Variants in TMEFF2 observed in about 807,000 individuals in gnomAD.
TMEFF2 encodes tomoregulin-2.
In TMEFF2, 28 loss-of-function variants were observed where a neutral mutation model predicts 53.8. The ratio of observed to expected loss-of-function variants is 0.52; its 90% CI spans 0.39 to 0.71. The LOEUF (loss-of-function observed/expected upper bound fraction) is 0.71, where lower values mean the gene tolerates loss of function less well. TMEFF2 is among the 30% of genes least tolerant of loss of function. TMEFF2 has a pLI of 0.00. For synonymous variants in TMEFF2, 162 were observed against 166.3 expected, an observed-to-expected ratio of 0.97 and a Z score of 0.20; for missense variants, 353 against 455.2, an observed-to-expected ratio of 0.78 and a Z score of 2.04.
At chr2:191,999,009 T>G in intron 6 of TMEFF2, 51 bp downstream of exon 6, 1 of 1,544,478 alleles carries the variant, frequency 6.5e-7, no homozygotes, top group Non-Finnish European at 8.8e-7. Flanking sequence ...TTTTCATTTT[T>G]GCACAAAGAC....
chr2:191,954,547 G>C (rs958551375), intron 8 of TMEFF2, among the ~76,000 whole-genome samples: 2 of 152,054 alleles, frequency 1.3e-5, no homozygotes, highest in Non-Finnish European at 2.9e-5. Flanking sequence ...ATGTGTTTCT[G>C]ATGACATGGG....
chr2:192,071,703 T>C (rs1235517795), intron 4 of TMEFF2, among the ~76,000 whole-genome samples: 2 of 151,930 alleles, frequency 1.3e-5, no homozygotes, highest in African/African-American at 4.8e-5. Context: ...ATCTCTGTGC[T>C]ACTTATACTA....
intron 5 of TMEFF2, among the ~76,000 whole-genome samples, chr2:192,008,775 C>T (rs1002780440): frequency 1.3e-5 from 2 of 152,196 alleles, no homozygotes; most frequent in South Asian, 2.1e-4. Context: ...CATTCCCAAG[C>T]GCCAGGATTC....
chr2:192,094,590 C>T (rs13008804), intron 4 of TMEFF2, among the ~76,000 whole-genome samples: 71,562 of 151,744 alleles, frequency 0.47, 16,931 homozygotes, highest in African/African-American at 0.51. Flanking sequence ...AGGATGCCCT[C>T]GGAGAGAAAA....
chr2:192,040,783 G>A (rs556318668), intron 5 of TMEFF2, among the ~76,000 whole-genome samples: 9 of 152,262 alleles, frequency 5.9e-5, no homozygotes, highest in South Asian at 4.2e-4. Flanking sequence ...TAGATACATA[G>A]ATCACCGGAA....
At chr2:192,008,077 C>G (rs928017420) in intron 5 of TMEFF2, among the ~76,000 whole-genome samples, 21 of 152,126 alleles carry the variant, frequency 1.4e-4, no homozygotes, top group Non-Finnish European at 3.1e-4. Context: ...GAGTTTTCTG[C>G]CCTCACTATT....
chr2:191,964,409 T>C (rs1297128382), intron 7 of TMEFF2, among the ~76,000 whole-genome samples: 2 of 107,958 alleles, frequency 1.9e-5, no homozygotes, highest in Admixed American at 1.8e-4. Context: ...TCTTTCTTTC[T>C]TTCTTTCTTT....
intron 5 of TMEFF2, chr2:192,031,262 T>C (rs2105872707): frequency 6.6e-6 from 1 of 152,334 alleles, no homozygotes; most frequent in South Asian, 2.1e-4. Flanking sequence ...TGCTTACTTA[T>C]TTATCATGTT....
chr2:191,975,140 T>A (rs1397006788), intron 7 of TMEFF2, among the ~76,000 whole-genome samples: 1 of 150,966 alleles, frequency 6.6e-6, no homozygotes, highest in African/African-American at 2.4e-5. Flanking sequence ...ATTAAAAAAA[T>A]ATATAGGAAA....
chr2:191,954,216 C>T (rs567918920), intron 8 of TMEFF2, among the ~76,000 whole-genome samples: 12 of 152,208 alleles, frequency 7.9e-5, no homozygotes, highest in African/African-American at 2.9e-4. Flanking sequence ...GATTGATGGG[C>T]ATTTATTTTC....
At position 191,949,791 on chromosome 2, in the gene TMEFF2, G is replaced by A. The variant is rs371787297; in HGVS notation, c.*520C>T. On this transcript the variant is annotated 3_prime_UTR_variant, in exon 10 of 10. Transcript: ENST00000272771. ...ATGAAATAGAGATGATTCAAAGATCGGAAATATTTTATCCTCACTCGATAT... is the reference window on the plus strand; with the variant it reads ...ATGAAATAGAGATGATTCAAAGATCAGAAATATTTTATCCTCACTCGATAT... 1.3e-4 allele frequency: 131 copies of A among 985,056 alleles called. No homozygotes were observed. The African/African-American group carries it at 1.7e-3, about 13-fold the overall frequency. 61.0% of individuals were successfully genotyped at this position (985,056 alleles called of 1,614,324 possible).
chr2:192,131,558 C>T (rs1231241539), intron 4 of TMEFF2, among the ~76,000 whole-genome samples: 1 of 151,992 alleles, frequency 6.6e-6, no homozygotes, highest in Non-Finnish European at 1.5e-5. Flanking sequence ...ATTTCCACAC[C>T]CCAACCTCTT....
intron 7 of TMEFF2, among the ~76,000 whole-genome samples, chr2:191,981,918 G>A (rs148954877): frequency 3.3e-4 from 50 of 152,182 alleles, no homozygotes; most frequent in African/African-American, 1.1e-3. Flanking sequence ...TATATCTGCC[G>A]CTTTGAAGTC....
At chr2:191,971,921 A>C (rs1359033333) in intron 7 of TMEFF2, among the ~76,000 whole-genome samples, 1 of 152,158 alleles carries the variant, frequency 6.6e-6, no homozygotes, top group Admixed American at 6.5e-5. Context: ...ATATTGAGGA[A>C]AGGAAGGATG....
intron 7 of TMEFF2, among the ~76,000 whole-genome samples, chr2:191,970,550 G>A (rs1205229331): frequency 1.3e-5 from 2 of 152,064 alleles, no homozygotes; most frequent in Non-Finnish European, 2.9e-5. Context: ...AACAGCCCAG[G>A]AAAAATTCTC....
intron 3 of TMEFF2, among the ~76,000 whole-genome samples, chr2:192,179,968 C>T (rs1691146161): frequency 6.6e-6 from 1 of 151,314 alleles, no homozygotes. Flanking sequence ...TGAAAAATTC[C>T]TAATCTTGAC....
At chr2:191,997,892 G>A (rs1322747751) in intron 7 of TMEFF2, among the ~76,000 whole-genome samples, 1 of 151,660 alleles carries the variant, frequency 6.6e-6, no homozygotes, top group Non-Finnish European at 1.5e-5. Context: ...TTTCATTGTT[G>A]ACTTTTATGA....
chr2:191,986,452 A>T (rs1685976339), intron 7 of TMEFF2, among the ~76,000 whole-genome samples: 1 of 152,174 alleles, frequency 6.6e-6, no homozygotes, highest in Non-Finnish European at 1.5e-5. Context: ...AAAGAAAAAC[A>T]ACTTCTTTAG....
chr2:192,067,247 G>T (rs1688187604), intron 4 of TMEFF2, among the ~76,000 whole-genome samples: 1 of 151,806 alleles, frequency 6.6e-6, no homozygotes, highest in East Asian at 1.9e-4. Context: ...GGAAGGAAAG[G>T]GGATAATTAC....
Sources: gnomAD v4.1 joint callset for allele counts (sites outside exome capture counted in the v4.1 genomes callset) on GRCh38, gnomAD v4.1.1 for gene constraint, MANE v1.5 for transcripts, NCBI Gene and HGNC (gene_info 2026-07-23, HGNC 2026-07-21) for gene names.